PTCHD4: variants seen among roughly 807,000 people sequenced by gnomAD.
The protein encoded by PTCHD4 is patched domain-containing protein 4.
In PTCHD4, 33 loss-of-function variants were observed where a neutral mutation model predicts 58.1. The observed-to-expected ratio is 0.57, with a 90% CI of 0.43 to 0.76. The LOEUF (loss-of-function observed/expected upper bound fraction) is 0.76, where lower values mean the gene tolerates loss of function less well. Among genes scored for constraint, PTCHD4 ranks in the 30% least tolerant of loss-of-function variants. The pLI, the probability that PTCHD4 is intolerant of heterozygous loss-of-function variation, is 0.00. For missense variants in PTCHD4, 1,058 were observed against 1,027.1 expected (o/e 1.03, Z -0.41); for synonymous variants, 478 against 409.6 (o/e 1.17, Z -2.02).
chr6:47,875,795 T>A lies in PTCHD4; in HGVS notation c.*2508A>T, dbSNP rs913525768. Among the ~76,000 whole-genome samples, 6 of 151,838 alleles carry A rather than the reference T, an allele frequency of 4.0e-5. No homozygotes were observed. Among genetic ancestry groups the A allele is most frequent in the African/African-American group, 1.4e-4 (6 of 41,384 alleles). On this transcript the variant is annotated 3_prime_UTR_variant, in exon 5 of 5. Transcript: ENST00000339488. ...CTCCATGTGCTTTTGACAACTGGCA[T>A]GCTTGATTCTTTCCCTGTAAATCAG...
intron 4 of PTCHD4, among the ~76,000 whole-genome samples, chr6:47,942,169 AAC>A (rs1766255237): frequency 6.6e-6 from 1 of 152,204 alleles, no homozygotes; most frequent in Non-Finnish European, 1.5e-5. Flanking sequence ...CAAAGGATGA[AAC>A]ACTGCTACTT....
At chr6:47,998,917 A>G (rs1403946669) in intron 4 of PTCHD4, among the ~76,000 whole-genome samples, 1 of 152,230 alleles carries the variant, frequency 6.6e-6, no homozygotes, top group African/African-American at 2.4e-5. Flanking sequence ...ACATTAAAAT[A>G]TCTAAGCTAA....
chr6:48,009,786 G>A (rs1168023981), intron 3 of PTCHD4, among the ~76,000 whole-genome samples: 1 of 152,120 alleles, frequency 6.6e-6, no homozygotes, highest in African/African-American at 2.4e-5. Context: ...TCAGACATAG[G>A]TTGACCTTTT....
chr6:48,044,886 A>C (rs1345609096), intron 3 of PTCHD4, among the ~76,000 whole-genome samples: 1 of 151,872 alleles, frequency 6.6e-6, no homozygotes, highest in Non-Finnish European at 1.5e-5. Flanking sequence ...TAGCACCATA[A>C]GATTTAGAGG....
chr6:47,922,351 C>A (rs1765462195), intron 4 of PTCHD4, among the ~76,000 whole-genome samples: 1 of 152,182 alleles, frequency 6.6e-6, no homozygotes, highest in African/African-American at 2.4e-5. Context: ...CTCTCTGACT[C>A]TTTCCTTTTA....
chr6:47,894,178 C>A (rs573460040), intron 4 of PTCHD4, among the ~76,000 whole-genome samples: 4 of 152,198 alleles, frequency 2.6e-5, no homozygotes, highest in Non-Finnish European at 5.9e-5. Flanking sequence ...CTGATGAGTA[C>A]AGTACAGGCT....
At chr6:47,983,414 A>T (rs1462343664) in intron 4 of PTCHD4, among the ~76,000 whole-genome samples, 2 of 152,160 alleles carry the variant, frequency 1.3e-5, no homozygotes. Flanking sequence ...TAAATGTTTC[A>T]CTTTCTTACT....
rs141120016 is a variant in PTCHD4 at position 47,930,326 on chromosome 6, C to T, written c.899-50390G>A. ...TATTCAGGTAATTGGATGAAAATTT[C>T]GTTTTGTATACAGATGTTTAGGATC... is the stretch of plus-strand genomic sequence containing the variant. On this transcript the variant is annotated intron_variant, in intron 4 of 4. Coordinates refer to ENST00000339488, the MANE Select transcript of PTCHD4 (RefSeq NM_001384253.1). 7.3e-4 allele frequency among the ~76,000 whole-genome samples: 111 copies of T among 152,212 alleles called. 1 individual carries two copies. The highest frequency in any genetic ancestry group is 2.2e-3 in the Admixed American group (34 of 15,284).
intron 4 of PTCHD4, among the ~76,000 whole-genome samples, chr6:47,962,739 G>A (rs527341796): frequency 6.6e-6 from 1 of 151,884 alleles, no homozygotes; most frequent in Admixed American, 6.6e-5. Context: ...ACCCAGTCTC[G>A]GGCTATAAAG....
At chr6:47,898,371 G>T (rs190663118) in intron 4 of PTCHD4, among the ~76,000 whole-genome samples, 1 of 152,188 alleles carries the variant, frequency 6.6e-6, no homozygotes, top group Admixed American at 6.5e-5. Flanking sequence ...TTAAATTTCT[G>T]CATAAAAAGC....
At chr6:47,966,484 A>G (rs1303837674) in intron 4 of PTCHD4, among the ~76,000 whole-genome samples, 1 of 152,164 alleles carries the variant, frequency 6.6e-6, no homozygotes, top group African/African-American at 2.4e-5. Flanking sequence ...GATTAGGGTG[A>G]TTGTCACAAT....
intron 4 of PTCHD4, among the ~76,000 whole-genome samples, chr6:47,955,081 A>T (rs1312423634): frequency 6.6e-6 from 1 of 152,216 alleles, no homozygotes; most frequent in Non-Finnish European, 1.5e-5. Context: ...TGAGTGGAGC[A>T]GAGGTGAGTT....
rs139172673 is a variant in PTCHD4, at chr6:47,940,695, T to C, written c.899-60759A>G. Among the ~76,000 whole-genome samples, 529 of 152,260 alleles carry C rather than the reference T, an allele frequency of 3.5e-3. 3 individuals are homozygous for C. Among genetic ancestry groups the C allele is most frequent in the African/African-American group, 0.012 (496 of 41,554 alleles). On this transcript the variant is annotated intron_variant, in intron 4 of 4. Coordinates refer to ENST00000339488, the MANE Select transcript of PTCHD4 (RefSeq NM_001384253.1). ...ATGTAAGAAACAGCACTTTGAAAAA[T>C]ATGACTTAATAGGAAAGTCACCCAG...
rs1409872898 is a variant in PTCHD4, at chr6:47,863,160, C to T, written c.*15143G>A. On this transcript the variant is annotated 3_prime_UTR_variant, in exon 5 of 5. Transcript: ENST00000339488. ...GTTGTATCTGAGACTTATGTGGTCC[C>T]ACATGCAGGGGCAGATCAAAATTTT... Among the ~76,000 whole-genome samples the T allele has an allele frequency of 6.6e-6, 1 of 151,768 alleles. No homozygotes were observed. The highest frequency in any genetic ancestry group is 2.4e-5 in the African/African-American group (1 of 41,380).
At chr6:48,063,614 C>A (rs142525868) in intron 3 of PTCHD4, among the ~76,000 whole-genome samples, 52 of 152,168 alleles carry the variant, frequency 3.4e-4, no homozygotes, top group Middle Eastern at 3.4e-3. Context: ...AGTTTTCTTT[C>A]TTATAAAAAT....
At chr6:48,088,291 A>G (rs1456461861) in intron 1 of PTCHD4, among the ~76,000 whole-genome samples, 1 of 152,176 alleles carries the variant, frequency 6.6e-6, no homozygotes, top group African/African-American at 2.4e-5. Context: ...TTCTCTCTTA[A>G]CATAATTTAG....
In PTCHD4 at chr6:47,879,573, G is replaced by A. The variant is rs1385483774; in HGVS notation, c.1262C>T (p.Thr421Ile). 3 of 1,613,772 alleles carry A rather than the reference G, an allele frequency of 1.9e-6. No homozygotes were observed. The highest frequency in any genetic ancestry group is 4.5e-5 in the East Asian group (2 of 44,866). ...CTGTTGATGCCCATCACTCATCACT[G>A]TCTGGAACCACACAGGTTTGCGATC... Reference protein sequence around the residue: ...YLDRKPVWFQTVMSDGHQQTS... With the variant: ...YLDRKPVWFQIVMSDGHQQTS... The change falls in exon 5 of 5, where the codon ACA (threonine) becomes ATA (isoleucine). Residue 421 changes from threonine to isoleucine, a missense_variant. By Grantham distance (89) the Thr-to-Ile change is moderately conservative (BLOSUM62 -1). Coordinates refer to ENST00000339488, the MANE Select transcript of PTCHD4 (RefSeq NM_001384253.1).
chr6:47,864,903 T>A lies in PTCHD4; in HGVS notation c.*13400A>T, dbSNP rs1763517865. Reference sequence around the variant, plus strand: ...TATCCATCTTTGTCCAGTGCTGACATAACATTGCAATACTACATCTTTATG... The same window carrying A: ...TATCCATCTTTGTCCAGTGCTGACAAAACATTGCAATACTACATCTTTATG... On this transcript the variant is annotated 3_prime_UTR_variant, in exon 5 of 5. Transcript: ENST00000339488. Among the ~76,000 whole-genome samples the A allele has an allele frequency of 6.6e-6, 1 of 151,878 alleles. No individual in the cohort carries two copies. The highest frequency in any genetic ancestry group is 1.9e-4 in the East Asian group (1 of 5,142).
chr6:47,903,607 G>T (rs538670503), intron 4 of PTCHD4, among the ~76,000 whole-genome samples: 1 of 152,112 alleles, frequency 6.6e-6, no homozygotes, highest in African/African-American at 2.4e-5. Context: ...AAGCAACCAT[G>T]CCTGGCCCAT....
Sources: allele counts gnomAD v4.1 joint callset (sites outside exome capture counted in the v4.1 genomes callset), GRCh38; gene constraint gnomAD v4.1.1; transcripts MANE v1.5; gene names NCBI Gene and HGNC (gene_info 2026-07-23, HGNC 2026-07-21).